LY9: variants seen among roughly 807,000 people sequenced by gnomAD.
LY9 encodes the protein T-lymphocyte surface antigen Ly-9.
In LY9, 59 loss-of-function variants were observed where a neutral mutation model predicts 64.6. That is an observed-to-expected ratio of 0.91 (90% CI 0.74 to 1.13). The LOEUF is 1.13. Ranked by LOEUF, LY9 falls within the 50% of genes most tolerant of loss-of-function variation. The pLI, the probability that LY9 is intolerant of heterozygous loss-of-function variation, is 0.00. For missense variants in LY9, 789 were observed against 797.2 expected (o/e 0.99, Z 0.12); for synonymous variants, 281 against 308.5 (o/e 0.91, Z 0.93).
At chr1:160,820,537 G>C (rs1446384432) in intron 7 of LY9, among the ~76,000 whole-genome samples, 1 of 152,234 alleles carries the variant, frequency 6.6e-6, no homozygotes, top group African/African-American at 2.4e-5. Context: ...TCTTCTGATG[G>C]AAAAGCATAA....
At chr1:160,817,071 TTAA>T (rs1420736404) in intron 5 of LY9, among the ~76,000 whole-genome samples, 2 of 152,242 alleles carry the variant, frequency 1.3e-5, no homozygotes, top group Non-Finnish European at 2.9e-5. Flanking sequence ...TAAAGTTATT[TTAA>T]TAATATGTTT....
intron 2 of LY9, among the ~76,000 whole-genome samples, chr1:160,805,741 TCACACACACACACACACACA>T (rs60721619): frequency 1.4e-5 from 2 of 140,698 alleles, no homozygotes; most frequent in African/African-American, 2.6e-5. Flanking sequence ...TCTCTCTGTC[TCACACACACACACACACACA>T]CACACACACA....
rs474131 is a variant in LY9, at chr1:160,823,652, A to G, written c.1686A>G (p.Val562=). 755,944 of 1,613,672 alleles carry G rather than the reference A, an allele frequency of 0.47. 184,486 individuals carry two copies. The highest frequency in any genetic ancestry group is 0.73 in the East Asian group (32,953 of 44,844). ...VHKPISGRYE[V]FDQVTQEGAG... Reference sequence around the variant, plus strand: ...AGCCCATCAGTGGAAGATATGAGGTATTTGACCAGGTCACTCAGGAGGGCG... The same window carrying G: ...AGCCCATCAGTGGAAGATATGAGGTGTTTGACCAGGTCACTCAGGAGGGCG... The change falls in exon 8 of 10, where the codon GTA becomes GTG. Residue 562 remains valine (V), a synonymous_variant. Coordinates refer to ENST00000263285, the MANE Select transcript of LY9 (RefSeq NM_002348.4).
intron 2 of LY9, chr1:160,811,506 T>C (rs1571010409): frequency 6.6e-6 from 1 of 152,248 alleles, no homozygotes; most frequent in Admixed American, 6.5e-5. Context: ...CCTCTCTCTC[T>C]CTTCTCACAT....
In LY9 at chr1:160,814,554, A is replaced by C. The variant is rs762047168; in HGVS notation, c.865A>C (p.Ile289Leu). 5 of 1,614,186 alleles carry C rather than the reference A, an allele frequency of 3.1e-6. No homozygotes were observed. The Admixed American group carries it at 8.3e-5, about 27-fold the overall frequency. ...TGTCTGGTTGTTTAACACATCCATCATTAGCAAAGAGAGGGAAGAAGCAGC... is the reference window on the plus strand; with the variant it reads ...TGTCTGGTTGTTTAACACATCCATCCTTAGCAAAGAGAGGGAAGAAGCAGC... ...KVVWLFNTSI[I>L]SKEREEAATA... The change falls in exon 4 of 10, where the codon ATT becomes CTT. Residue 289 changes from isoleucine (I) to leucine (L), a missense_variant. Coordinates refer to ENST00000263285, the MANE Select transcript of LY9 (RefSeq NM_002348.4).
At chr1:160,802,506 C>A (rs746635906) in intron 2 of LY9, 1 of 985,500 alleles carries the variant, frequency 1.0e-6, no homozygotes, top group South Asian at 4.7e-5. Flanking sequence ...CTGCGGGCCG[C>A]GCCAGGCACC....
intron 2 of LY9, chr1:160,802,351 C>T (rs1052639504): frequency 4.0e-6 from 4 of 988,130 alleles, no homozygotes; most frequent in Non-Finnish European, 4.8e-6. Context: ...GCCATCCGGG[C>T]CTGCTGGCTG....
chr1:160,814,808 G>C (rs1367045740), intron 4 of LY9, 47 bp downstream of exon 4: 1 of 1,504,912 alleles, frequency 6.6e-7, no homozygotes, highest in Non-Finnish European at 9.1e-7. Flanking sequence ...TTCTCTGAAA[G>C]CTTTCTCCTC....
chr1:160,804,166 C>T (rs1020226046), intron 2 of LY9, among the ~76,000 whole-genome samples: 1 of 152,148 alleles, frequency 6.6e-6, no homozygotes, highest in South Asian at 2.1e-4. Flanking sequence ...TTATCTTGTT[C>T]GAGTTCTCAG....
intron 2 of LY9, chr1:160,802,007 C>T: frequency 6.6e-7 from 1 of 1,516,036 alleles, no homozygotes; most frequent in South Asian, 1.3e-5. Flanking sequence ...CCGATGGGAC[C>T]CTGCCAGGCC....
intron 2 of LY9, among the ~76,000 whole-genome samples, chr1:160,804,427 C>A (rs1276139345): frequency 6.6e-6 from 1 of 152,136 alleles, no homozygotes; most frequent in Non-Finnish European, 1.5e-5. Flanking sequence ...CCTTGCATCC[C>A]TGGGATAAAT....
Position 160,800,050 on chromosome 1 carries a change from C to T in LY9, c.422C>T (p.Thr141Ile), listed in dbSNP as rs1666295050. The part of the protein sequence containing the change: ...AQINQRNFEV[T>I]TEEEFTLFVY... ...ATAAACCAAAGGAATTTTGAAGTCA[C>T]CACTGAGGAGGAATTCACCCTGTTC... Residue 141 changes from threonine (T) to isoleucine (I), a missense_variant, in exon 2 of 10, where the codon ACC becomes ATC. By Grantham distance (89) the Thr-to-Ile change is moderately conservative (BLOSUM62 -1). Coordinates refer to ENST00000263285, the MANE Select transcript of LY9 (RefSeq NM_002348.4). The T allele has an allele frequency of 1.9e-6, 3 of 1,613,966 alleles. No individual in the cohort carries two copies. Among genetic ancestry groups the T allele is most frequent in the Non-Finnish European group, 2.5e-6 (3 of 1,179,864 alleles).
intron 7 of LY9, among the ~76,000 whole-genome samples, chr1:160,821,929 C>A (rs1668486200): frequency 6.6e-6 from 1 of 152,136 alleles, no homozygotes; most frequent in Non-Finnish European, 1.5e-5. Flanking sequence ...TCTTTACGTG[C>A]CCGAGTTTCC....
chr1:160,812,100 A>G (rs1667520347), intron 2 of LY9: 1 of 152,200 alleles, frequency 6.6e-6, no homozygotes. Context: ...TTTCTCCAGA[A>G]CACAATTCTG....
chr1:160,808,616 C>T (rs1667202311), intron 2 of LY9, among the ~76,000 whole-genome samples: 1 of 152,190 alleles, frequency 6.6e-6, no homozygotes, highest in African/African-American at 2.4e-5. Context: ...TCACTCCCAG[C>T]TCCCAGCAGA....
At chr1:160,810,500 G>A (rs976246095) in intron 2 of LY9, 6 of 152,206 alleles carry the variant, frequency 3.9e-5, no homozygotes, top group South Asian at 2.1e-4. Flanking sequence ...TACTGTATTA[G>A]GGTTCACCCT....
intron 2 of LY9, 82 bp from the exon 3 acceptor site, chr1:160,813,554 C>T: frequency 6.3e-6 from 9 of 1,420,836 alleles, no homozygotes; most frequent in Non-Finnish European, 8.7e-6. Flanking sequence ...CCCCAACTCC[C>T]CTATTGTCAC....
At chr1:160,805,718 G>T (rs1038245593) in intron 2 of LY9, among the ~76,000 whole-genome samples, 2 of 148,176 alleles carry the variant, frequency 1.3e-5, no homozygotes, top group African/African-American at 5.0e-5. Context: ...CTACTATTCT[G>T]TTGCAGTCTC....
At chr1:160,797,340 A>G (rs1665986755) in intron 1 of LY9, 2 of 943,328 alleles carry the variant, frequency 2.1e-6, no homozygotes, top group Non-Finnish European at 2.5e-6. Flanking sequence ...CTTTAGAAAC[A>G]CTCCTAGATG....
Sources: gnomAD v4.1 joint callset for allele counts (sites outside exome capture counted in the v4.1 genomes callset) on GRCh38, gnomAD v4.1.1 for gene constraint, MANE v1.5 for transcripts, NCBI Gene and HGNC (gene_info 2026-07-23, HGNC 2026-07-21) for gene names.